GABRB1: variants seen among roughly 807,000 people sequenced by gnomAD.
GABRB1 encodes the protein gamma-aminobutyric acid type A receptor subunit beta1.
In GABRB1, 17 loss-of-function variants were observed where a neutral mutation model predicts 51.6. That is an observed-to-expected ratio of 0.33 (90% CI 0.23 to 0.49). The LOEUF (loss-of-function observed/expected upper bound fraction) is 0.49. Ranked by LOEUF, GABRB1 falls within the 20% of genes least tolerant of loss-of-function variation. GABRB1 has a pLI of 0.99. For missense variants in GABRB1, 410 were observed against 600.6 expected (o/e 0.68, Z 3.32); for synonymous variants, 247 against 218.9 (o/e 1.13, Z -1.14).
intron 4 of GABRB1, among the ~76,000 whole-genome samples, chr4:47,272,568 A>C (rs1354483710): frequency 1.3e-5 from 2 of 152,188 alleles, no homozygotes; most frequent in Non-Finnish European, 2.9e-5. Flanking sequence ...TACAGAAATT[A>C]ATCAGTGAAA....
intron 3 of GABRB1, among the ~76,000 whole-genome samples, chr4:47,136,473 CT>C (rs926027321): frequency 6.6e-6 from 1 of 151,636 alleles, no homozygotes; most frequent in African/African-American, 2.4e-5. Context: ...GAAAACAATT[CT>C]GGCTTAAGAA....
At chr4:47,010,574 T>A (rs977015094) in intron 1 of GABRB1, among the ~76,000 whole-genome samples, 3 of 152,248 alleles carry the variant, frequency 2.0e-5, no homozygotes, top group African/African-American at 7.2e-5. Context: ...CAAATAAATA[T>A]GATCAACTCA....
At chr4:47,249,876 C>A (rs1721916014) in intron 4 of GABRB1, among the ~76,000 whole-genome samples, 1 of 152,090 alleles carries the variant, frequency 6.6e-6, no homozygotes. Context: ...GAGTTCTTAT[C>A]CATTCTGTGG....
In GABRB1 at chr4:47,130,252, T is replaced by C. The variant is rs1481953612; in HGVS notation, c.241-30997T>C. 3.9e-5 allele frequency among the ~76,000 whole-genome samples: 6 copies of C among 152,004 alleles called. 1 individual carries two copies. The highest frequency in any genetic ancestry group is 8.8e-5 in the Non-Finnish European group (6 of 68,002). On this transcript the variant is annotated intron_variant, in intron 3 of 8. Transcript: ENST00000295454. ...GACCACAAGATTTAAGCAGTCTTGATTGGGCTGGCCCCTGCCCACCTCCAC... is the reference window on the plus strand; with the variant it reads ...GACCACAAGATTTAAGCAGTCTTGACTGGGCTGGCCCCTGCCCACCTCCAC...
intron 5 of GABRB1, among the ~76,000 whole-genome samples, chr4:47,380,814 A>C (rs1428961305): frequency 6.6e-6 from 1 of 152,208 alleles, no homozygotes; most frequent in African/African-American, 2.4e-5. Context: ...TTTTTTCTAT[A>C]GATAAAGATA....
At chr4:47,052,824 A>C (rs183007564) in intron 3 of GABRB1, among the ~76,000 whole-genome samples, 77 of 152,346 alleles carry the variant, frequency 5.1e-4, no homozygotes, top group African/African-American at 1.5e-3. Flanking sequence ...CAATGGATCT[A>C]AAAACTGAAA....
intron 5 of GABRB1, among the ~76,000 whole-genome samples, chr4:47,374,137 C>T (rs1035760808): frequency 2.0e-5 from 3 of 152,222 alleles, no homozygotes; most frequent in African/African-American, 7.2e-5. Flanking sequence ...ATGTAAGACT[C>T]TCTGGTTCCC....
intron 4 of GABRB1, among the ~76,000 whole-genome samples, chr4:47,261,305 C>T (rs1722427546): frequency 6.6e-6 from 1 of 152,200 alleles, no homozygotes; most frequent in African/African-American, 2.4e-5. Context: ...ACCCCACTGT[C>T]TCAGCCCAAA....
chr4:47,212,157 T>A (rs1364635408), intron 4 of GABRB1, among the ~76,000 whole-genome samples: 3 of 152,092 alleles, frequency 2.0e-5, no homozygotes, highest in Non-Finnish European at 2.9e-5. Flanking sequence ...ACTTTTAATA[T>A]AAAGCAACAC....
chr4:47,145,021 TC>T (rs766938069), intron 3 of GABRB1, among the ~76,000 whole-genome samples: 3 of 151,602 alleles, frequency 2.0e-5, no homozygotes, highest in Non-Finnish European at 2.9e-5. Flanking sequence ...TAAACTTGAC[TC>T]CCCTTGGGAC....
intron 3 of GABRB1, among the ~76,000 whole-genome samples, chr4:47,099,447 C>T (rs1268858942): frequency 6.6e-6 from 1 of 152,124 alleles, no homozygotes; most frequent in Non-Finnish European, 1.5e-5. Context: ...TCACTCTGTT[C>T]CTGTCTCTTT....
intron 5 of GABRB1, among the ~76,000 whole-genome samples, chr4:47,361,186 C>T (rs1476534716): frequency 6.6e-6 from 1 of 152,040 alleles, no homozygotes; most frequent in East Asian, 1.9e-4. Flanking sequence ...AAGATTAAAA[C>T]AAAACAACTA....
intron 5 of GABRB1, among the ~76,000 whole-genome samples, chr4:47,330,483 C>CA (rs1725438248): frequency 6.6e-6 from 1 of 152,098 alleles, no homozygotes; most frequent in African/African-American, 2.4e-5. Flanking sequence ...AGACAATAGT[C>CA]AGAAGCTGCA....
chr4:47,313,710 C>T (rs1724785878), intron 4 of GABRB1, among the ~76,000 whole-genome samples: 1 of 152,116 alleles, frequency 6.6e-6, no homozygotes, highest in Admixed American at 6.6e-5. Context: ...ACTCCTAAAT[C>T]AGCAGAGTTC....
intron 1 of GABRB1, among the ~76,000 whole-genome samples, chr4:47,016,356 T>C (rs190174477): frequency 2.4e-4 from 36 of 152,326 alleles, no homozygotes; most frequent in African/African-American, 4.8e-4. Flanking sequence ...TATCTTTTTC[T>C]TTCCTGTCAT....
chr4:47,313,282 A>G (rs889853908), intron 4 of GABRB1, among the ~76,000 whole-genome samples: 1 of 152,194 alleles, frequency 6.6e-6, no homozygotes, highest in Non-Finnish European at 1.5e-5. Context: ...ACCATCCTAT[A>G]CTTTCATTTG....
intron 3 of GABRB1, among the ~76,000 whole-genome samples, chr4:47,126,443 T>C (rs1716147074): frequency 6.6e-6 from 1 of 152,194 alleles, no homozygotes; most frequent in African/African-American, 2.4e-5. Context: ...AATATCATAA[T>C]TATGTGAGGT....
At chr4:47,124,940 CA>C (rs1234772560) in intron 3 of GABRB1, among the ~76,000 whole-genome samples, 2 of 151,664 alleles carry the variant, frequency 1.3e-5, no homozygotes, top group South Asian at 2.1e-4. Flanking sequence ...AAAATTTATT[CA>C]AAAAAATAAT....
intron 5 of GABRB1, among the ~76,000 whole-genome samples, chr4:47,334,784 C>A (rs1296266365): frequency 6.6e-6 from 1 of 152,142 alleles, no homozygotes; most frequent in East Asian, 1.9e-4. Context: ...TGATGTAAAT[C>A]TTTCTCAACA....
Sources: allele counts gnomAD v4.1 joint callset (sites outside exome capture counted in the v4.1 genomes callset), GRCh38; gene constraint gnomAD v4.1.1; transcripts MANE v1.5; gene names NCBI Gene and HGNC (gene_info 2026-07-23, HGNC 2026-07-21).